VWDE: variants seen among roughly 807,000 people sequenced by gnomAD.
VWDE encodes the protein von Willebrand factor D and EGF domains.
Under a neutral mutation model 178.4 loss-of-function variants are expected in VWDE, and 207 were observed. The ratio of observed to expected loss-of-function variants is 1.16; its 90% CI spans 1.04 to 1.30. VWDE has a LOEUF of 1.30. Ranked by LOEUF, VWDE falls within the 50% of genes most tolerant of loss-of-function variation. The pLI is 0.00. For missense variants in VWDE, 2,287 were observed against 1,901.3 expected (o/e 1.20, Z -3.77); for synonymous variants, 738 against 651.4 (o/e 1.13, Z -2.02).
chr7:12,379,390 G>A (rs192317876), intron 6 of VWDE, 87 bp downstream of exon 6: 1 of 894,594 alleles, frequency 1.1e-6, no homozygotes, highest in Non-Finnish European at 1.6e-6. Context: ...CTGTGATGAG[G>A]TACAGAAACC....
At position 12,363,886 on chromosome 7, in the gene VWDE, A is replaced by G. The variant is rs545653595; in HGVS notation, c.2899-2365T>C. ...TAGTTGTATTATAAATAAAACAGAT[A>G]ACCACTCTAAACAGAGTGGAAAATA... On this transcript the variant is annotated intron_variant, in intron 13 of 28. Coordinates refer to ENST00000275358, the MANE Select transcript of VWDE (RefSeq NM_001135924.3). 1.2e-3 allele frequency among the ~76,000 whole-genome samples: 181 copies of G among 152,208 alleles called. 1 individual carries two copies. The highest frequency in any genetic ancestry group is 4.0e-3 in the African/African-American group (167 of 41,568).
chr7:12,336,051 C>T, intron 27 of VWDE, 90 bp downstream of exon 27: 9 of 1,138,608 alleles, frequency 7.9e-6, no homozygotes, highest in African/African-American at 3.2e-5. Context: ...GTTTTTTCCC[C>T]CTTATGGACT....
chr7:12,370,325 A>G lies in VWDE; in HGVS notation c.1981T>C (p.Leu661=). Residue 661 remains leucine, a synonymous_variant, in exon 12 of 29, where the codon TTG becomes CTG. Transcript: ENST00000275358. ...GAGGTGACATCTAGTTCTGGTATCAAAGAAGATAAGCTGACATGATTGAGG... is the reference window on the plus strand; with the variant it reads ...GAGGTGACATCTAGTTCTGGTATCAGAGAAGATAAGCTGACATGATTGAGG... ...KDLNHVSLSS[L]IPELDVTSEY... is the part of the protein sequence containing the mutation. 1 of 1,551,340 alleles carries G rather than the reference A, an allele frequency of 6.4e-7. No homozygotes were observed. The highest frequency in any genetic ancestry group is 8.7e-7 in the Non-Finnish European group (1 of 1,146,844).
chr7:12,382,608 A>AT (rs1357578198), intron 4 of VWDE, among the ~76,000 whole-genome samples: 35 of 152,000 alleles, frequency 2.3e-4, no homozygotes, highest in Non-Finnish European at 4.0e-4. Context: ...ATCTATCCTG[A>AT]TTTATTTTAT....
chr7:12,349,059 C>T (rs917587194), intron 19 of VWDE, among the ~76,000 whole-genome samples: 17 of 152,028 alleles, frequency 1.1e-4, no homozygotes, highest in Non-Finnish European at 2.2e-4. Context: ...GGGAACATTA[C>T]ACTCTGGGGC....
chr7:12,379,405 TG>T, intron 6 of VWDE, 71 bp downstream of exon 6: 1 of 1,085,736 alleles, frequency 9.2e-7, no homozygotes, highest in Non-Finnish European at 1.3e-6. Flanking sequence ...GAAACCAGCA[TG>T]GACAGATCAC....
chr7:12,347,961 C>T (rs10271371), intron 19 of VWDE, among the ~76,000 whole-genome samples: 98,027 of 151,916 alleles, frequency 0.65, 32,674 homozygotes, highest in African/African-American at 0.83. Flanking sequence ...CTGACAAAAA[C>T]AAGCAATGGG....
Position 12,393,657 on chromosome 7 carries a change from G to A in VWDE, c.180C>T (p.Ser60=). ...VQDLICDHSL[S]PGWYRFLILD... ...GGATGAGAAATCTATACCATCCAGGGGAGAGGGAATGGTCACATATTAGGT... is the reference window on the plus strand; with the variant it reads ...GGATGAGAAATCTATACCATCCAGGAGAGAGGGAATGGTCACATATTAGGT... The change falls in exon 2 of 29, where the codon TCC becomes TCT. Residue 60 remains serine (S), a synonymous_variant. Coordinates refer to ENST00000275358, the MANE Select transcript of VWDE (RefSeq NM_001135924.3). 6.4e-7 allele frequency: 1 copy of A among 1,551,206 alleles called. No individual in the cohort carries two copies. The highest frequency in any genetic ancestry group is 1.2e-5 in the South Asian group (1 of 84,034).
intron 19 of VWDE, among the ~76,000 whole-genome samples, 177 bp downstream of exon 19, chr7:12,351,396 A>T (rs1356144539): frequency 1.3e-5 from 2 of 152,186 alleles, no homozygotes; most frequent in African/African-American, 4.8e-5. Context: ...TTTCTAAAAT[A>T]TAAGCCAGAT....
chr7:12,333,209 A>G (rs916350814), intron 28 of VWDE, among the ~76,000 whole-genome samples: 1 of 152,186 alleles, frequency 6.6e-6, no homozygotes, highest in African/African-American at 2.4e-5. Flanking sequence ...TGCTGTCTCA[A>G]CTACAGTGTC....
chr7:12,352,112 C>T (rs961140218), intron 18 of VWDE, among the ~76,000 whole-genome samples: 1 of 152,144 alleles, frequency 6.6e-6, no homozygotes, highest in African/African-American at 2.4e-5. Context: ...CAAACCAACC[C>T]TACTCGCACC....
intron 19 of VWDE, among the ~76,000 whole-genome samples, chr7:12,346,292 C>T (rs1781593971): frequency 6.6e-6 from 1 of 152,086 alleles, no homozygotes; most frequent in South Asian, 2.1e-4. Flanking sequence ...AAGCACAGCC[C>T]CTATGCCTGA....
intron 10 of VWDE, 73 bp downstream of exon 10, chr7:12,372,904 C>T: frequency 7.2e-7 from 1 of 1,389,626 alleles, no homozygotes; most frequent in Non-Finnish European, 9.8e-7. Context: ...ATGATAGCTC[C>T]TAATTTAATA....
chr7:12,393,500 T>C, intron 2 of VWDE, 94 bp downstream of exon 2: 4 of 1,091,612 alleles, frequency 3.7e-6, no homozygotes, highest in Non-Finnish European at 5.1e-6. Context: ...AACAACATTT[T>C]AGCATGAGAA....
At chr7:12,367,140 A>T (rs1782902004) in intron 13 of VWDE, among the ~76,000 whole-genome samples, 1 of 152,092 alleles carries the variant, frequency 6.6e-6, no homozygotes, top group Non-Finnish European at 1.5e-5. Context: ...AAGTGAAAAC[A>T]GTGAGCCGAT....
intron 12 of VWDE, 151 bp downstream of exon 12, chr7:12,369,394 A>G: frequency 9.7e-7 from 1 of 1,029,942 alleles, no homozygotes; most frequent in Non-Finnish European, 1.3e-6. Context: ...GCTGTTGGAA[A>G]GTTAGTAATG....
At chr7:12,383,385 C>T (rs1487821079) in intron 4 of VWDE, 151 bp downstream of exon 4, 3 of 633,050 alleles carry the variant, frequency 4.7e-6, no homozygotes, top group East Asian at 3.1e-5. Flanking sequence ...CTTAAAGGCA[C>T]GATAAAGTTA....
At position 12,344,454 on chromosome 7, in the gene VWDE, G is replaced by T. The variant is rs1471836124; in HGVS notation, c.3902C>A (p.Pro1301Gln). The change falls in exon 20 of 29, where the codon CCA becomes CAA. Residue 1301 changes from proline to glutamine, a missense_variant. Pro to Gln is a moderately conservative substitution (Grantham distance 76, BLOSUM62 -1). Coordinates refer to ENST00000275358, the MANE Select transcript of VWDE (RefSeq NM_001135924.3). ...SGNAFTICKY[P>Q]CGKSRECVAP... ...AACACACTCCCTACTTTTTCCACAT[G>T]GATATTTACAAATGGCTAAAAAAAA... The T allele has an allele frequency of 1.9e-6, 3 of 1,548,832 alleles. No homozygotes were observed.
chr7:12,347,522 G>A (rs1462849680), intron 19 of VWDE, among the ~76,000 whole-genome samples: 1 of 151,906 alleles, frequency 6.6e-6, no homozygotes. Context: ...CAAAAACAAT[G>A]TATTATTGGC....
Sources: gnomAD v4.1 joint callset for allele counts (sites outside exome capture counted in the v4.1 genomes callset) on GRCh38, gnomAD v4.1.1 for gene constraint, MANE v1.5 for transcripts, NCBI Gene and HGNC (gene_info 2026-07-23, HGNC 2026-07-21) for gene names.